Variants in EMID1 observed in about 807,000 individuals in gnomAD.
EMID1 encodes the protein EMI domain containing 1, also known as EMI domain-containing protein 1.
A neutral mutation model predicts 60.6 loss-of-function variants in EMID1; 40 were observed. The observed-to-expected ratio is 0.66, with a 90% CI of 0.51 to 0.86. The LOEUF (loss-of-function observed/expected upper bound fraction) is 0.86. Ranked by LOEUF, EMID1 falls within the 40% of genes least tolerant of loss-of-function variation. The probability of loss-of-function intolerance (pLI) is 0.00; values close to 1 mark genes in which losing one functional copy is unlikely to be tolerated. For synonymous variants in EMID1, 242 were observed against 231.0 expected (o/e 1.05, Z -0.43); for missense variants, 585 against 597.1 (o/e 0.98, Z 0.21).
intron 12 of EMID1, among the ~76,000 whole-genome samples, chr22:29,236,664 C>T (rs903909709): frequency 6.6e-6 from 1 of 151,954 alleles, no homozygotes; most frequent in Non-Finnish European, 1.5e-5. Flanking sequence ...GCACTCCAGC[C>T]TGGGCGACAG....
chr22:29,232,484 C>A lies in EMID1; in HGVS notation c.823+82C>A, dbSNP rs566383118. ...AGTGCCCGCTACCATCTGCCACGTG[C>A]CTTCTGTGTGCCAGCCCTGCTCACG... On this transcript the variant is annotated intron_variant, in intron 8 of 14. Coordinates refer to ENST00000334018, the MANE Select transcript of EMID1 (RefSeq NM_133455.4). 48 of 1,414,932 alleles carry A rather than the reference C, an allele frequency of 3.4e-5. 1 individual carries two copies. The South Asian group carries it at 6.2e-4, about 18-fold the overall frequency. 87.6% of individuals were successfully genotyped at this position (1,414,932 alleles called of 1,614,324 possible).
At chr22:29,253,404 G>A (rs1418166148) in intron 13 of EMID1, among the ~76,000 whole-genome samples, 3 of 152,234 alleles carry the variant, frequency 2.0e-5, no homozygotes, top group African/African-American at 2.4e-5. Flanking sequence ...CCAACATGGA[G>A]AAACCCTGTC....
Position 29,243,611 on chromosome 22 carries a change from G to C in EMID1, c.1119+122G>C, listed in dbSNP as rs2041227458. 5.2e-6 allele frequency: 6 copies of C among 1,162,128 alleles called. No individual in the cohort carries two copies. The African/African-American group carries it at 7.6e-5, about 15-fold the overall frequency. 72.0% of individuals were successfully genotyped at this position (1,162,128 alleles called of 1,614,324 possible). On this transcript the variant is annotated intron_variant, in intron 13 of 14. Transcript: ENST00000334018. ...CCCATCCACATCCCCACTACAGCCTGGTCTCCCAGGCAGGAGCCTTGGCAA... is the reference window on the plus strand; with the variant it reads ...CCCATCCACATCCCCACTACAGCCTCGTCTCCCAGGCAGGAGCCTTGGCAA...
intron 5 of EMID1, among the ~76,000 whole-genome samples, chr22:29,230,625 A>G (rs756071392): frequency 6.6e-6 from 1 of 152,110 alleles, no homozygotes; most frequent in South Asian, 2.1e-4. Flanking sequence ...CCTGCTGGCC[A>G]TGTGCCTCCT....
At chr22:29,229,140 G>A (rs1273315504) in intron 5 of EMID1, among the ~76,000 whole-genome samples, 4 of 151,882 alleles carry the variant, frequency 2.6e-5, no homozygotes, top group Admixed American at 2.0e-4. Context: ...CCTGGAGCCC[G>A]AGACCAGCCT....
chr22:29,243,312 T>C (rs1029161090), intron 12 of EMID1, 133 bp from the exon 13 acceptor site: 2 of 849,924 alleles, frequency 2.4e-6, no homozygotes, highest in African/African-American at 3.4e-5. Flanking sequence ...TTTTGCTTTG[T>C]ATCCAATACA....
chr22:29,215,705 G>A, intron 3 of EMID1, 75 bp downstream of exon 3: 1 of 1,162,824 alleles, frequency 8.6e-7, no homozygotes, highest in South Asian at 1.2e-5. Context: ...ATGGAGCCGT[G>A]AACTATTAAG....
chr22:29,226,237 A>G (rs1416429978), intron 4 of EMID1, among the ~76,000 whole-genome samples: 1 of 152,316 alleles, frequency 6.6e-6, no homozygotes, highest in East Asian at 1.9e-4. Context: ...AGAGGCTGCC[A>G]GGGGTCAGGT....
chr22:29,216,711 G>A, intron 3 of EMID1: 1 of 962,308 alleles, frequency 1.0e-6, no homozygotes, highest in Non-Finnish European at 1.2e-6. Context: ...GGTGACTGAG[G>A]CCCAGTGAGG....
At position 29,241,568 on chromosome 22, in the gene EMID1, T is replaced by G. The variant is rs142092668; in HGVS notation, c.1075-1877T>G. ...CACGCCCAGCTAATTTTTGTATTTTTAGTAGAGACGGGGTTTCACCATGTT... is the reference window on the plus strand; with the variant it reads ...CACGCCCAGCTAATTTTTGTATTTTGAGTAGAGACGGGGTTTCACCATGTT... On this transcript the variant is annotated intron_variant, in intron 12 of 14. Transcript: ENST00000334018. Among the ~76,000 whole-genome samples the G allele has an allele frequency of 7.2e-4, 107 of 147,966 alleles. 2 individuals are homozygous for G. The East Asian group carries it at 0.02, about 28-fold the overall frequency.
At chr22:29,254,620 T>C (rs918157141) in intron 14 of EMID1, 3 of 287,194 alleles carry the variant, frequency 1.0e-5, no homozygotes, top group African/African-American at 6.6e-5. Flanking sequence ...GGAACCAAAC[T>C]CCACTCCAGC....
rs115560812 is a variant in EMID1, at chr22:29,243,015, C to A, written c.1075-430C>A. ...GGACCATCCAAGCGTCAGAAAGGAACATTTATGCAGATTTAGTTCCCCCAC... is the reference window on the plus strand; with the variant it reads ...GGACCATCCAAGCGTCAGAAAGGAAAATTTATGCAGATTTAGTTCCCCCAC... On this transcript the variant is annotated intron_variant, in intron 12 of 14. Transcript: ENST00000334018. 1.3e-3 allele frequency among the ~76,000 whole-genome samples: 191 copies of A among 152,322 alleles called. 1 individual carries two copies. Among genetic ancestry groups the A allele is most frequent in the African/African-American group, 4.1e-3 (169 of 41,582 alleles).
In EMID1 at chr22:29,225,113, T is replaced by C. The variant is rs756550866; in HGVS notation, c.320-20T>C. The C allele has an allele frequency of 5.5e-5, 89 of 1,612,814 alleles. No individual in the cohort carries two copies. Among genetic ancestry groups the C allele is most frequent in the South Asian group, 7.7e-5 (7 of 91,040 alleles). On this transcript the variant is annotated intron_variant, in intron 3 of 14. Coordinates refer to ENST00000334018, the MANE Select transcript of EMID1 (RefSeq NM_133455.4). ...GGCAAGGATCACATGCCAGCAGGGC[T>C]CTCACCCTCCATCCCTTAGTTGCAG...
intron 12 of EMID1, among the ~76,000 whole-genome samples, chr22:29,236,902 T>C (rs971987743): frequency 1.3e-5 from 2 of 151,102 alleles, no homozygotes; most frequent in Non-Finnish European, 3.0e-5. Context: ...GATCAAGCAA[T>C]TCTCCTGCCT....
At chr22:29,250,733 ATTTTTTTTTTT>A (rs748172215) in intron 13 of EMID1, among the ~76,000 whole-genome samples, 10 of 22,476 alleles carry the variant, frequency 4.4e-4, no homozygotes, top group Non-Finnish European at 6.3e-4. Flanking sequence ...CACCCGGCTA[ATTTTTTTTTTT>A]TTTTTTTTTT....
intron 10 of EMID1, 125 bp downstream of exon 10, chr22:29,233,791 T>G: frequency 8.6e-6 from 8 of 933,244 alleles, no homozygotes; most frequent in Non-Finnish European, 1.1e-5. Context: ...CATCCTTCCA[T>G]TCATTCATTC....
At chr22:29,218,623 A>G (rs985061670) in intron 3 of EMID1, among the ~76,000 whole-genome samples, 1 of 152,188 alleles carries the variant, frequency 6.6e-6, no homozygotes, top group East Asian at 1.9e-4. Context: ...AGGAAGAACC[A>G]AGGCCAGAAT....
chr22:29,250,031 C>G (rs2041468379), intron 13 of EMID1, among the ~76,000 whole-genome samples: 1 of 152,032 alleles, frequency 6.6e-6, no homozygotes, highest in South Asian at 2.1e-4. Context: ...CTTTTGAGCC[C>G]AAGAGTTTGA....
chr22:29,221,665 C>G (rs1045703402), intron 3 of EMID1, among the ~76,000 whole-genome samples: 2 of 152,158 alleles, frequency 1.3e-5, no homozygotes, highest in Non-Finnish European at 2.9e-5. Context: ...TGAGCCACCA[C>G]GCCCGGCCAG....
Sources: gnomAD v4.1 joint callset for allele counts (sites outside exome capture counted in the v4.1 genomes callset) on GRCh38, gnomAD v4.1.1 for gene constraint, MANE v1.5 for transcripts, NCBI Gene and HGNC (gene_info 2026-07-23, HGNC 2026-07-21) for gene names.